Variants in SLC17A8 observed in about 807,000 individuals in gnomAD.
SLC17A8 encodes vesicular glutamate transporter 3.
In SLC17A8, 31 loss-of-function variants were observed where a neutral mutation model predicts 58.0. The observed-to-expected ratio is 0.53, with a 90% CI of 0.40 to 0.72. SLC17A8 has a LOEUF of 0.72. Ranked by LOEUF, SLC17A8 falls within the 30% of genes least tolerant of loss-of-function variation. SLC17A8 has a pLI of 0.00. For synonymous variants in SLC17A8, 228 were observed against 249.0 expected, an observed-to-expected ratio of 0.92 and a Z score of 0.79; for missense variants, 655 against 727.8, an observed-to-expected ratio of 0.90 and a Z score of 1.15.
At chr12:100,372,522 C>A (rs969954158) in intron 1 of SLC17A8, among the ~76,000 whole-genome samples, 2 of 151,928 alleles carry the variant, frequency 1.3e-5, no homozygotes, top group Non-Finnish European at 2.9e-5. Context: ...GCTCAAATGT[C>A]CTCTTCTTAT....
chr12:100,404,344 A>C, intron 9 of SLC17A8, 174 bp downstream of exon 9: 1 of 769,490 alleles, frequency 1.3e-6, no homozygotes. Flanking sequence ...CCAAGAGGTC[A>C]TCCAGCTGGG....
At chr12:100,373,577 CTTT>C (rs11296057) in intron 1 of SLC17A8, among the ~76,000 whole-genome samples, 2 of 87,628 alleles carry the variant, frequency 2.3e-5, no homozygotes, top group African/African-American at 8.6e-5. Context: ...AAATCAGTGA[CTTT>C]TTTTTTTTTT....
chr12:100,416,092 A>G (rs1040102517), intron 10 of SLC17A8, among the ~76,000 whole-genome samples: 2 of 152,232 alleles, frequency 1.3e-5, no homozygotes, highest in Non-Finnish European at 2.9e-5. Context: ...AATGTCCTAT[A>G]CAGAAGATAG....
At chr12:100,412,154 C>T (rs1952873275) in intron 9 of SLC17A8, among the ~76,000 whole-genome samples, 2 of 152,122 alleles carry the variant, frequency 1.3e-5, no homozygotes, top group Non-Finnish European at 2.9e-5. Context: ...TCCCTCATCT[C>T]AGGAGCATCA....
intron 4 of SLC17A8, 139 bp from the exon 5 acceptor site, chr12:100,396,191 A>T (rs1952752426): frequency 2.7e-6 from 2 of 731,158 alleles, no homozygotes; most frequent in Non-Finnish European, 5.0e-6. Context: ...TTTGGTGGGG[A>T]CACAAACATT....
At chr12:100,374,170 C>T (rs537584426) in intron 1 of SLC17A8, among the ~76,000 whole-genome samples, 76 of 152,270 alleles carry the variant, frequency 5.0e-4, no homozygotes, top group African/African-American at 1.5e-3. Context: ...ACACAGCTCG[C>T]GTATCAGTGG....
intron 2 of SLC17A8, among the ~76,000 whole-genome samples, chr12:100,382,117 AGTGATTGG>A (rs1324727975): frequency 6.6e-6 from 1 of 152,190 alleles, no homozygotes; most frequent in Non-Finnish European, 1.5e-5. Flanking sequence ...GAGAACTCCC[AGTGATTGG>A]GTAGAGCACG....
At chr12:100,360,618 A>C (rs1271482726) in intron 1 of SLC17A8, among the ~76,000 whole-genome samples, 1 of 152,190 alleles carries the variant, frequency 6.6e-6, no homozygotes, top group African/African-American at 2.4e-5. Flanking sequence ...ACAGATGAGA[A>C]AACTGAGGCA....
intron 9 of SLC17A8, among the ~76,000 whole-genome samples, chr12:100,409,743 G>C (rs1404808660): frequency 6.6e-6 from 1 of 152,148 alleles, no homozygotes; most frequent in African/African-American, 2.4e-5. Flanking sequence ...AATGATGAGA[G>C]AAGAGTATCC....
rs370450784 is a variant in SLC17A8 at position 100,383,561 on chromosome 12, G to A, written c.354+2608G>A. 6.6e-5 allele frequency among the ~76,000 whole-genome samples: 10 copies of A among 152,176 alleles called. No homozygotes were observed. In the South Asian group the frequency reaches 1.9e-3, roughly 28 times the overall value. On this transcript the variant is annotated intron_variant, in intron 2 of 11. Transcript: ENST00000323346. ...GTTTGTTTGGTTTTTCTGTTTTAAG[G>A]GAAAAACTAGATATTTGGCACTGAG... is the stretch of plus-strand genomic sequence containing the variant.
At chr12:100,381,283 T>C (rs547443574) in intron 2 of SLC17A8, among the ~76,000 whole-genome samples, 67 of 152,020 alleles carry the variant, frequency 4.4e-4, no homozygotes, top group African/African-American at 1.4e-3. Context: ...AAATGGAGAG[T>C]GGCTACTTGT....
At chr12:100,365,413 GAGA>G (rs1952513156) in intron 1 of SLC17A8, among the ~76,000 whole-genome samples, 1 of 152,152 alleles carries the variant, frequency 6.6e-6, no homozygotes, top group Non-Finnish European at 1.5e-5. Flanking sequence ...GGGTATGCTG[GAGA>G]ATACAGCCCT....
chr12:100,415,622 G>A (rs897562514), intron 10 of SLC17A8, among the ~76,000 whole-genome samples: 2 of 151,952 alleles, frequency 1.3e-5, no homozygotes, highest in African/African-American at 4.8e-5. Context: ...TCGAGACAGG[G>A]TCTCACGATG....
intron 10 of SLC17A8, 137 bp from the exon 11 acceptor site, chr12:100,417,892 T>C: frequency 9.9e-7 from 1 of 1,006,302 alleles, no homozygotes; most frequent in South Asian, 1.3e-5. Context: ...TTGAACCCAG[T>C]CCTCTTGGTC....
chr12:100,377,549 G>T (rs1427795388), intron 1 of SLC17A8, among the ~76,000 whole-genome samples: 1 of 148,482 alleles, frequency 6.7e-6, no homozygotes, highest in Non-Finnish European at 1.5e-5. Context: ...GAGAAGTGAG[G>T]CATCCAAGAT....
chr12:100,415,583 C>G (rs1310624584), intron 10 of SLC17A8, among the ~76,000 whole-genome samples: 1 of 152,178 alleles, frequency 6.6e-6, no homozygotes, highest in Non-Finnish European at 1.5e-5. Context: ...CAGGCATGTG[C>G]CACCACTTCC....
At chr12:100,395,576 C>T (rs191968655) in intron 4 of SLC17A8, among the ~76,000 whole-genome samples, 9 of 152,068 alleles carry the variant, frequency 5.9e-5, no homozygotes, top group Admixed American at 2.6e-4. Flanking sequence ...CCGCCCACCT[C>T]GGCCTCCCAA....
chr12:100,413,265 C>T (rs960744819), intron 10 of SLC17A8, among the ~76,000 whole-genome samples: 3 of 152,228 alleles, frequency 2.0e-5, no homozygotes, highest in Admixed American at 6.5e-5. Context: ...TAGAGAACTG[C>T]GAGTGTCATT....
Position 100,374,480 on chromosome 12 carries a change from C to T in SLC17A8, c.102-6221C>T, listed in dbSNP as rs373137262. On this transcript the variant is annotated intron_variant, in intron 1 of 11. Coordinates refer to ENST00000323346, the MANE Select transcript of SLC17A8 (RefSeq NM_139319.3). ...TACAAAAATTAGCCGGGCGTGGTGG[C>T]CTACGCCTGTAATCCCAGCTACTCG... 1.2e-3 allele frequency among the ~76,000 whole-genome samples: 179 copies of T among 152,236 alleles called. 1 individual carries two copies. Among genetic ancestry groups the T allele is most frequent in the African/African-American group, 4.0e-3 (166 of 41,536 alleles).
Sources: allele counts gnomAD v4.1 joint callset (sites outside exome capture counted in the v4.1 genomes callset), GRCh38; gene constraint gnomAD v4.1.1; transcripts MANE v1.5; gene names NCBI Gene and HGNC (gene_info 2026-07-23, HGNC 2026-07-21).